Variants in TPT1 observed in about 807,000 individuals in gnomAD.
TPT1 encodes the protein tumor protein, translationally-controlled 1, also known as translationally-controlled tumor protein.
A neutral mutation model predicts 22.8 loss-of-function variants in TPT1; 5 were observed. That is an observed-to-expected ratio of 0.22 (90% CI 0.11 to 0.46). The LOEUF (loss-of-function observed/expected upper bound fraction) is 0.46, where lower values mean the gene tolerates loss of function less well. Among genes scored for constraint, TPT1 ranks in the 20% least tolerant of loss-of-function variants. TPT1 has a pLI of 0.99. For missense variants in TPT1, 130 were observed against 218.7 expected, an observed-to-expected ratio of 0.59 and a Z score of 2.56; for synonymous variants, 89 against 73.6, an observed-to-expected ratio of 1.21 and a Z score of -1.07.
In TPT1 at chr13:45,340,686, C is replaced by T; in HGVS notation, c.102+26G>A. 2.6e-6 allele frequency: 4 copies of T among 1,560,768 alleles called. No homozygotes were observed. The African/African-American group carries it at 4.1e-5, about 16-fold the overall frequency. On this transcript the variant is annotated intron_variant, in intron 2 of 5. Transcript: ENST00000530705. Reference sequence around the variant, plus strand: ...CCCGAGCCCGCTCGGCCCGGACTCCCCCACGCGCAGGCCCGACCGACTCAC... The same window carrying T: ...CCCGAGCCCGCTCGGCCCGGACTCCTCCACGCGCAGGCCCGACCGACTCAC...
intron 4 of TPT1, chr13:45,339,121 A>T (rs188542438): frequency 1.6e-5 from 5 of 305,790 alleles, no homozygotes; most frequent in African/African-American, 1.1e-4. Context: ...ACAGTCTGGA[A>T]GTATCTTATG....
intron 1 of TPT1, 37 bp downstream of exon 1, chr13:45,341,005 C>G: frequency 6.2e-7 from 1 of 1,604,714 alleles, no homozygotes. Context: ...CCCAGACCCC[C>G]GTGTGCGGCA....
intron 2 of TPT1, chr13:45,340,430 C>T (rs1448314235): frequency 5.4e-6 from 4 of 744,962 alleles, no homozygotes; most frequent in Non-Finnish European, 9.4e-6. Context: ...TGTGATGCCT[C>T]CGGTTGGTAA....
At chr13:45,338,992 G>T (rs1034073310) in intron 4 of TPT1, 5 of 440,766 alleles carry the variant, frequency 1.1e-5, no homozygotes, top group African/African-American at 4.1e-5. Flanking sequence ...GAGCAATCCA[G>T]GAACACTAGG....
rs1593560133 is a variant in TPT1, at chr13:45,341,172, C to G, written c.-103G>C. 2.0e-6 allele frequency: 3 copies of G among 1,527,058 alleles called. No homozygotes were observed. The highest frequency in any genetic ancestry group is 2.3e-5 in the South Asian group (2 of 85,680). The allele number at this position is 1,527,058 out of a possible 1,614,324, so 94.6% of individuals were successfully genotyped here. Reference sequence around the variant, plus strand: ...AGCGGCGCTCGGGGGGAGGGGGGAGCGGGCGGAAAAGGCCGACTCAGCCGC... The same window carrying G: ...AGCGGCGCTCGGGGGGAGGGGGGAGGGGGCGGAAAAGGCCGACTCAGCCGC... On this transcript the variant is annotated 5_prime_UTR_variant, in exon 1 of 6. Coordinates refer to ENST00000530705, the MANE Select transcript of TPT1 (RefSeq NM_003295.4).
In TPT1 at chr13:45,337,158, TAA is replaced by T; in HGVS notation, c.*226_*227del. 3.4e-6 allele frequency: 2 copies of T among 593,980 alleles called. No homozygotes were observed. Among genetic ancestry groups the T allele is most frequent in the Non-Finnish European group, 6.0e-6 (2 of 334,908 alleles). 36.8% of individuals were successfully genotyped at this position (593,980 alleles called of 1,614,324 possible). ...AATTTAGTTTAAATATGCATTAAACTAAAAGGCATTCTCTCAAATGAGTTTAA... is the reference window on the plus strand; with the variant it reads ...AATTTAGTTTAAATATGCATTAAACTAAGGCATTCTCTCAAATGAGTTTAA... On this transcript the variant is annotated 3_prime_UTR_variant, in exon 6 of 6. Transcript: ENST00000530705.
chr13:45,338,332 C>G (rs1021559492), intron 5 of TPT1: 5 of 327,268 alleles, frequency 1.5e-5, no homozygotes, highest in Admixed American at 5.0e-5. Flanking sequence ...GTTGGCCAGG[C>G]TGGTCTCGAA....
At chr13:45,340,235 G>C in intron 2 of TPT1, 51 bp from the exon 3 acceptor site, 1 of 1,569,064 alleles carries the variant, frequency 6.4e-7, no homozygotes, top group Non-Finnish European at 8.7e-7. Context: ...CGCATCCAAA[G>C]CACCTTCCAC....
At chr13:45,340,868 G>T (rs920201224) in intron 1 of TPT1, 83 bp from the exon 2 acceptor site, 6 of 1,459,352 alleles carry the variant, frequency 4.1e-6, no homozygotes, top group Non-Finnish European at 3.6e-6. Flanking sequence ...CCGCACGCGG[G>T]ATCTGCCCCT....
chr13:45,340,534 G>A, intron 2 of TPT1, 178 bp downstream of exon 2: 1 of 833,240 alleles, frequency 1.2e-6, no homozygotes, highest in Non-Finnish European at 2.0e-6. Flanking sequence ...CGCCGAGGCG[G>A]CGGGCCTATT....
At chr13:45,340,928 G>A in intron 1 of TPT1, 114 bp downstream of exon 1, 1 of 1,525,678 alleles carries the variant, frequency 6.6e-7, no homozygotes, top group South Asian at 1.2e-5. Flanking sequence ...ACCCCTCCGC[G>A]CTCGGCTAAG....
At chr13:45,340,814 C>G in intron 1 of TPT1, 29 bp from the exon 2 acceptor site, 1 of 1,508,504 alleles carries the variant, frequency 6.6e-7, no homozygotes, top group Non-Finnish European at 8.8e-7. Flanking sequence ...CGCCCATCAC[C>G]GTGCGCCTGG....
In TPT1 at chr13:45,339,599, G is replaced by T. The variant is rs746021858; in HGVS notation, c.297C>A (p.Ile99=). Residue 99 remains isoleucine (I), a synonymous_variant, in exon 4 of 6, where the codon ATC becomes ATA. Transcript: ENST00000530705. The part of the protein sequence containing the change: ...KKYIKDYMKS[I]KGKLEEQRPE... The stretch of plus-strand genomic sequence containing the variant: ...GTCTCTGTTCTTCAAGTTTCCCTTT[G>T]ATTCTAAAACAACATTTCATTAACA... 2 of 1,610,824 alleles carry T rather than the reference G, an allele frequency of 1.2e-6. No homozygotes were observed. Among genetic ancestry groups the T allele is most frequent in the East Asian group, 4.5e-5 (2 of 44,808 alleles).
chr13:45,340,985 C>G, intron 1 of TPT1, 57 bp downstream of exon 1: 7 of 1,581,616 alleles, frequency 4.4e-6, no homozygotes, highest in Non-Finnish European at 6.0e-6. Flanking sequence ...TTCCCCGCCC[C>G]CACCCGCACC....
rs1878512770 is a variant in TPT1 at position 45,333,753 on chromosome 13, AATT to A, written c.*3630_*3632del. ...ACTGTTAGTCTCTTGAGTGCATTTT[AATT>A]AGACTTCCTTTCCCACTAGTGAAAT... On this transcript the variant is annotated 3_prime_UTR_variant, in exon 6 of 6. Transcript: ENST00000530705. The A allele has an allele frequency of 6.6e-6, 1 of 152,118 alleles. No individual in the cohort carries two copies. Among genetic ancestry groups the A allele is most frequent in the African/African-American group, 2.4e-5 (1 of 41,422 alleles). The allele number at this position is 152,118 out of a possible 1,614,324, so 9.4% of individuals were successfully genotyped here.
chr13:45,339,665 T>C, intron 3 of TPT1, 63 bp from the exon 4 acceptor site: 1 of 1,447,534 alleles, frequency 6.9e-7, no homozygotes, highest in Non-Finnish European at 9.5e-7. Context: ...ATTTTTAAAG[T>C]AAAAAATATC....
chr13:45,337,093 T>C lies in TPT1; in HGVS notation c.*293A>G. ...AGAAGTTAATTGATGAGTAGTAGCC[T>C]ACAATCAGGCTCTAGCTTCTCCAGG... On this transcript the variant is annotated 3_prime_UTR_variant, in exon 6 of 6. Coordinates refer to ENST00000530705, the MANE Select transcript of TPT1 (RefSeq NM_003295.4). 2.2e-6 allele frequency: 1 copy of C among 461,724 alleles called. No homozygotes were observed. The highest frequency in any genetic ancestry group is 2.4e-5 in the South Asian group (1 of 41,456). The allele number at this position is 461,724 out of a possible 1,614,324, so 28.6% of individuals were successfully genotyped here. A position where few individuals can be genotyped will look rare whatever the true frequency, so the allele number is the denominator to read the frequency against.
rs1020192042 is a variant in TPT1, at chr13:45,337,143, A to G, written c.*243T>C. The G allele has an allele frequency of 1.8e-6, 1 of 571,308 alleles. No homozygotes were observed. The highest frequency in any genetic ancestry group is 1.9e-5 in the African/African-American group (1 of 53,200). The allele number at this position is 571,308 out of a possible 1,614,324, so 35.4% of individuals were successfully genotyped here. On this transcript the variant is annotated 3_prime_UTR_variant, in exon 6 of 6. Transcript: ENST00000530705. ...GAACACTACAGGATCAATTTAGTTT[A>G]AATATGCATTAAACTAAAAGGCATT...
chr13:45,333,823 T>G lies in TPT1; in HGVS notation c.*3563A>C, dbSNP rs1470262016. 6.6e-6 allele frequency: 1 copy of G among 152,154 alleles called. No individual in the cohort carries two copies. The highest frequency in any genetic ancestry group is 1.5e-5 in the Non-Finnish European group (1 of 67,980). 9.4% of individuals were successfully genotyped at this position (152,154 alleles called of 1,614,324 possible). On this transcript the variant is annotated 3_prime_UTR_variant, in exon 6 of 6. Coordinates refer to ENST00000530705, the MANE Select transcript of TPT1 (RefSeq NM_003295.4). The stretch of plus-strand genomic sequence containing the variant: ...TTACCACTATCAGGCCTCATATTAC[T>G]TAAGTACTTTGCAACAGGTAACCCT...
Sources: allele counts gnomAD v4.1 joint callset, GRCh38; gene constraint gnomAD v4.1.1; transcripts MANE v1.5; gene names NCBI Gene and HGNC (gene_info 2026-07-23, HGNC 2026-07-21).